Variants in PDE4D observed in about 807,000 individuals in gnomAD.
PDE4D encodes 3',5'-cyclic-AMP phosphodiesterase 4D.
In PDE4D, 24 loss-of-function variants were observed where a neutral mutation model predicts 87.4. That is an observed-to-expected ratio of 0.27 (90% CI 0.20 to 0.39). The LOEUF (loss-of-function observed/expected upper bound fraction) is 0.39, where lower values mean the gene tolerates loss of function less well. Ranked by LOEUF, PDE4D falls within the 10% of genes least tolerant of loss-of-function variation. PDE4D has a pLI of 1.00. For synonymous variants in PDE4D, 384 were observed against 383.2 expected, an observed-to-expected ratio of 1.00 and a Z score of -0.02; for missense variants, 714 against 1,041.0, an observed-to-expected ratio of 0.69 and a Z score of 4.32.
At chr5:60,334,903 T>C (rs1034747671) in intron 1 of PDE4D, among the ~76,000 whole-genome samples, 1 of 152,186 alleles carries the variant, frequency 6.6e-6, no homozygotes, top group East Asian at 1.9e-4. Flanking sequence ...GCATTCCATA[T>C]AATTTTTTAA....
At chr5:59,041,479 T>C (rs1235520160) in intron 5 of PDE4D, among the ~76,000 whole-genome samples, 2 of 152,222 alleles carry the variant, frequency 1.3e-5, no homozygotes. Flanking sequence ...TCCCATAATA[T>C]AGGAATGTAG....
intron 2 of PDE4D, among the ~76,000 whole-genome samples, chr5:59,206,453 T>C (rs531994533): frequency 6.6e-6 from 1 of 152,338 alleles, no homozygotes; most frequent in South Asian, 2.1e-4. Context: ...TTTTTCCTTA[T>C]ATGGCTCAGA....
At chr5:59,479,222 C>T (rs2153655381) in intron 1 of PDE4D, among the ~76,000 whole-genome samples, 1 of 152,066 alleles carries the variant, frequency 6.6e-6, no homozygotes, top group South Asian at 2.1e-4. Context: ...AATCACTTGG[C>T]CTAGAGTTTC....
chr5:59,593,657 T>C (rs962335458), intron 1 of PDE4D, among the ~76,000 whole-genome samples: 4 of 152,128 alleles, frequency 2.6e-5, no homozygotes, highest in African/African-American at 7.2e-5. Flanking sequence ...ACTGGTGAGA[T>C]AGACAGTAGG....
At chr5:59,970,281 C>G (rs1760569421) in intron 3 of PDE4D, among the ~76,000 whole-genome samples, 1 of 152,136 alleles carries the variant, frequency 6.6e-6, no homozygotes, top group African/African-American at 2.4e-5. Context: ...CAATACCATT[C>G]AGGACACAGG....
chr5:59,730,490 C>T (rs1054268518), intron 1 of PDE4D, among the ~76,000 whole-genome samples: 2 of 152,070 alleles, frequency 1.3e-5, no homozygotes, highest in African/African-American at 2.4e-5. Flanking sequence ...CACATATGCA[C>T]GGAATAGTGG....
chr5:59,352,757 T>C (rs1300635035), intron 1 of PDE4D, among the ~76,000 whole-genome samples: 1 of 152,212 alleles, frequency 6.6e-6, no homozygotes, highest in African/African-American at 2.4e-5. Flanking sequence ...TTTGTACTTT[T>C]GTTTGTTGAT....
At chr5:59,383,336 C>T (rs1051935378) in intron 1 of PDE4D, among the ~76,000 whole-genome samples, 13 of 152,004 alleles carry the variant, frequency 8.6e-5, no homozygotes, top group African/African-American at 2.9e-4. Context: ...AAGCCTGCTC[C>T]AGTCTCAGGA....
upstream of PDE4D, among the ~76,000 whole-genome samples, chr5:59,894,311 A>G (rs1751402381): frequency 1.3e-5 from 2 of 152,286 alleles, no homozygotes; most frequent in South Asian, 4.1e-4. Flanking sequence ...CTTGTTGACG[A>G]TGAGCCCCAT....
At chr5:59,145,818 T>C (rs1391828942) in intron 5 of PDE4D, among the ~76,000 whole-genome samples, 1 of 152,112 alleles carries the variant, frequency 6.6e-6, no homozygotes, top group East Asian at 1.9e-4. Flanking sequence ...CAAAGATAAG[T>C]TCAATAGGTT....
intron 1 of PDE4D, among the ~76,000 whole-genome samples, chr5:59,329,437 G>A (rs1371326518): frequency 6.6e-6 from 1 of 152,146 alleles, no homozygotes; most frequent in African/African-American, 2.4e-5. Flanking sequence ...GCTCCAGGAA[G>A]AGTCTGTTCT....
chr5:59,242,264 GGC>G (rs1757832572), intron 1 of PDE4D, among the ~76,000 whole-genome samples: 1 of 152,104 alleles, frequency 6.6e-6, no homozygotes, highest in Non-Finnish European at 1.5e-5. Flanking sequence ...TACCTGCTAT[GGC>G]TGATACAAGG....
At chr5:60,055,622 C>G (rs182546350) in intron 2 of PDE4D, among the ~76,000 whole-genome samples, 1 of 152,178 alleles carries the variant, frequency 6.6e-6, no homozygotes, top group East Asian at 1.9e-4. Flanking sequence ...GTGCTTTGTA[C>G]TAAGCACTTT....
chr5:60,147,000 C>G (rs984157469), intron 2 of PDE4D, among the ~76,000 whole-genome samples: 1 of 151,952 alleles, frequency 6.6e-6, no homozygotes, highest in Non-Finnish European at 1.5e-5. Context: ...AAGAGGGAAC[C>G]CTTGTACCCT....
intron 3 of PDE4D, among the ~76,000 whole-genome samples, chr5:59,974,528 G>C (rs1249309938): frequency 3.3e-5 from 5 of 152,108 alleles, no homozygotes; most frequent in Admixed American, 3.3e-4. Flanking sequence ...TCCAATAGAT[G>C]CTGAAATGTA....
intron 1 of PDE4D, among the ~76,000 whole-genome samples, chr5:60,419,170 C>T (rs938455907): frequency 3.3e-5 from 5 of 151,896 alleles, no homozygotes; most frequent in African/African-American, 1.2e-4. Flanking sequence ...CTGGCATATA[C>T]CAAATGGTTT....
At chr5:60,473,119 GAAAGAAAGGAAGGAAGGA>G (rs1203365938) in intron 1 of PDE4D, among the ~76,000 whole-genome samples, 4,007 of 120,650 alleles carry the variant, frequency 0.033, 290 homozygotes, top group African/African-American at 0.11. Flanking sequence ...GAGAGAGAGA[GAAAGAAAGGAAGGAAGGA>G]AGGAAGGAAG....
intron 2 of PDE4D, among the ~76,000 whole-genome samples, chr5:60,032,470 G>GT (rs1767345090): frequency 6.6e-6 from 1 of 152,106 alleles, no homozygotes; most frequent in Admixed American, 6.5e-5. Flanking sequence ...ACTAAACAGG[G>GT]TAAGAGTTTC....
intron 1 of PDE4D, among the ~76,000 whole-genome samples, chr5:59,515,486 TTGGAA>T (rs200498119): frequency 0.011 from 1,686 of 152,182 alleles, 22 homozygotes; most frequent in African/African-American, 0.038. Context: ...AGTATAAAAA[TTGGAA>T]TGGAAGAAAC....
Sources: gnomAD v4.1 joint callset for allele counts (sites outside exome capture counted in the v4.1 genomes callset) on GRCh38, gnomAD v4.1.1 for gene constraint, MANE v1.5 for transcripts, NCBI Gene and HGNC (gene_info 2026-07-23, HGNC 2026-07-21) for gene names.